DPY19L2: variants seen among roughly 807,000 people sequenced by gnomAD.
DPY19L2 encodes the protein probable C-mannosyltransferase DPY19L2.
DPY19L2 carries 34 observed loss-of-function variants against 97.9 expected under a neutral mutation model. That is an observed-to-expected ratio of 0.35 (90% CI 0.26 to 0.46). The LOEUF (loss-of-function observed/expected upper bound fraction) is 0.46. Among genes scored for constraint, DPY19L2 ranks in the 20% least tolerant of loss-of-function variants. The pLI is 1.00. For synonymous variants in DPY19L2, 230 were observed against 307.9 expected (o/e 0.75, Z 2.65); for missense variants, 623 against 911.4 (o/e 0.68, Z 4.07).
At chr12:63,659,163 T>C (rs1310218371) in intron 4 of DPY19L2, among the ~76,000 whole-genome samples, 1 of 152,146 alleles carries the variant, frequency 6.6e-6, no homozygotes, top group Non-Finnish European at 1.5e-5. Flanking sequence ...TCCAAAGGAT[T>C]CTACAAAAAA....
At chr12:63,623,709 T>C in intron 8 of DPY19L2, 2 of 224,134 alleles carry the variant, frequency 8.9e-6, no homozygotes, top group East Asian at 9.7e-5. Flanking sequence ...GTAATATATA[T>C]ATTTACATTT....
At chr12:63,575,525 T>C (rs901954302) in intron 19 of DPY19L2, among the ~76,000 whole-genome samples, 5 of 151,484 alleles carry the variant, frequency 3.3e-5, no homozygotes, top group African/African-American at 1.2e-4. Context: ...ACTGGTTTTC[T>C]GAAAAGATAA....
At chr12:63,608,031 A>T (rs1376896509) in intron 12 of DPY19L2, among the ~76,000 whole-genome samples, 1 of 152,190 alleles carries the variant, frequency 6.6e-6, no homozygotes, top group Non-Finnish European at 1.5e-5. Context: ...CCTGCCTAAT[A>T]ACTTATTTTA....
At chr12:63,561,492 C>G (rs1335423724) in intron 21 of DPY19L2, among the ~76,000 whole-genome samples, 2 of 152,084 alleles carry the variant, frequency 1.3e-5, no homozygotes, top group African/African-American at 2.4e-5. Context: ...TTTGCTTTTT[C>G]TAGAATTTCA....
chr12:63,603,433 G>A (rs1309926000), intron 12 of DPY19L2, among the ~76,000 whole-genome samples: 1 of 152,116 alleles, frequency 6.6e-6, no homozygotes, highest in Non-Finnish European at 1.5e-5. Context: ...AGGTAAACAT[G>A]TGCCATGGTG....
intron 6 of DPY19L2, among the ~76,000 whole-genome samples, chr12:63,629,239 A>G (rs1265161647): frequency 6.6e-6 from 1 of 152,182 alleles, no homozygotes; most frequent in Non-Finnish European, 1.5e-5. Flanking sequence ...GAGTTGACAG[A>G]AGAAGGCTTC....
chr12:63,628,407 C>G (rs1889958464), intron 6 of DPY19L2, among the ~76,000 whole-genome samples: 1 of 152,170 alleles, frequency 6.6e-6, no homozygotes, highest in Non-Finnish European at 1.5e-5. Flanking sequence ...AAACGGCACA[C>G]CAGGAGATTA....
At chr12:63,570,682 T>C in intron 20 of DPY19L2, 76 bp downstream of exon 20, 1 of 1,080,106 alleles carries the variant, frequency 9.3e-7, no homozygotes, top group Non-Finnish European at 1.4e-6. Context: ...TGTGTGTGTG[T>C]GTGTAAAATT....
chr12:63,642,334 T>C (rs1167843827), intron 6 of DPY19L2, among the ~76,000 whole-genome samples: 3 of 150,206 alleles, frequency 2.0e-5, no homozygotes, highest in African/African-American at 7.5e-5. Flanking sequence ...ACTGAAGTTC[T>C]TTTCATCAAA....
chr12:63,632,473 A>G (rs1034760432), intron 6 of DPY19L2, among the ~76,000 whole-genome samples: 6 of 152,206 alleles, frequency 3.9e-5, no homozygotes, highest in Non-Finnish European at 8.8e-5. Flanking sequence ...CAATTGCTTC[A>G]AAGAGAATAA....
chr12:63,628,583 T>G lies in DPY19L2; in HGVS notation c.804-2057A>C, dbSNP rs555896996. On this transcript the variant is annotated intron_variant, in intron 6 of 21. Transcript: ENST00000324472. ...AAGCAGCCAGGAAGCTCGAACAGGGTGGAGCCCACCACAGCTCAACGAGGC... is the reference window on the plus strand; with the variant it reads ...AAGCAGCCAGGAAGCTCGAACAGGGGGGAGCCCACCACAGCTCAACGAGGC... Among the ~76,000 whole-genome samples the G allele has an allele frequency of 1.2e-3, 190 of 152,174 alleles. 1 individual carries two copies. Among genetic ancestry groups the G allele is most frequent in the Non-Finnish European group, 2.1e-3 (144 of 67,986 alleles).
chr12:63,610,859 A>AAC (rs1886851371), intron 11 of DPY19L2, among the ~76,000 whole-genome samples: 1 of 99,806 alleles, frequency 1.0e-5, no homozygotes, highest in Admixed American at 1.3e-4. Flanking sequence ...AAAAAAAAAA[A>AAC]AAAAAAAAAA....
At chr12:63,628,640 G>A (rs1172285000) in intron 6 of DPY19L2, among the ~76,000 whole-genome samples, 2 of 152,034 alleles carry the variant, frequency 1.3e-5, no homozygotes, top group Non-Finnish European at 2.9e-5. Flanking sequence ...ACCTCTGGGG[G>A]CAGGACGTTG....
chr12:63,596,434 C>T lies in DPY19L2; in HGVS notation c.1462-397G>A, dbSNP rs111854011. ...TGAAACTAGAGCTAACAAGAAAGAACGCTAACCAAAGTTAATGACTAAAAC... is the reference window on the plus strand; with the variant it reads ...TGAAACTAGAGCTAACAAGAAAGAATGCTAACCAAAGTTAATGACTAAAAC... On this transcript the variant is annotated intron_variant, in intron 14 of 21. Coordinates refer to ENST00000324472, the MANE Select transcript of DPY19L2 (RefSeq NM_173812.5). 1.4e-3 allele frequency among the ~76,000 whole-genome samples: 210 copies of T among 152,170 alleles called. 2 individuals carry two copies. Among genetic ancestry groups the T allele is most frequent in the Non-Finnish European group, 2.5e-3 (172 of 67,998 alleles).
chr12:63,579,907 A>G (rs1333623550), intron 19 of DPY19L2, among the ~76,000 whole-genome samples: 1 of 152,138 alleles, frequency 6.6e-6, no homozygotes, highest in Non-Finnish European at 1.5e-5. Context: ...TCATAAGAAA[A>G]TTTAAATAAA....
chr12:63,628,527 C>A (rs1055410857), intron 6 of DPY19L2, among the ~76,000 whole-genome samples: 2 of 152,102 alleles, frequency 1.3e-5, no homozygotes, highest in Non-Finnish European at 2.9e-5. Context: ...GGAGGGGCAC[C>A]CACCATGGCC....
At chr12:63,590,549 C>A (rs1882714773) in intron 16 of DPY19L2, among the ~76,000 whole-genome samples, 1 of 151,820 alleles carries the variant, frequency 6.6e-6, no homozygotes, top group African/African-American at 2.4e-5. Context: ...TGATGGTCAA[C>A]AATAAAATCC....
At chr12:63,649,456 G>A (rs1893881773) in intron 4 of DPY19L2, among the ~76,000 whole-genome samples, 1 of 151,948 alleles carries the variant, frequency 6.6e-6, no homozygotes, top group South Asian at 2.1e-4. Context: ...AAAAGAGAGA[G>A]AAGACCCAAA....
Position 63,617,398 on chromosome 12 carries a change from A to T in DPY19L2, c.1132-8T>A. ...ACTAAGGGTAACTGAAATCTGAAAA[A>T]AATGAAAAAAATACATTTTATGGTT... is the stretch of plus-strand genomic sequence containing the variant. On this transcript the variant is annotated splice_region_variant and splice_polypyrimidine_tract_variant and intron_variant, in intron 10 of 21. Coordinates refer to ENST00000324472, the MANE Select transcript of DPY19L2 (RefSeq NM_173812.5). 6.5e-7 allele frequency: 1 copy of T among 1,533,042 alleles called. No individual in the cohort carries two copies. The allele number at this position is 1,533,042 out of a possible 1,614,324, so 95.0% of individuals were successfully genotyped here.
Sources: allele counts gnomAD v4.1 joint callset (sites outside exome capture counted in the v4.1 genomes callset), GRCh38; gene constraint gnomAD v4.1.1; transcripts MANE v1.5; gene names NCBI Gene and HGNC (gene_info 2026-07-23, HGNC 2026-07-21).